Variants in FYB1 observed in about 807,000 individuals in gnomAD.
FYB1 encodes FYN binding protein 1, also known as FYN-binding protein 1.
In FYB1, 41 loss-of-function variants were observed where a neutral mutation model predicts 94.1. The observed-to-expected ratio is 0.44, with a 90% confidence interval of 0.34 to 0.57. The LOEUF (loss-of-function observed/expected upper bound fraction) is 0.57, where lower values mean the gene tolerates loss of function less well. Among genes scored for constraint, FYB1 ranks in the 20% least tolerant of loss-of-function variants. The pLI is 0.02. For missense variants in FYB1, 1,050 were observed against 976.8 expected (o/e 1.07, Z -1.00); for synonymous variants, 367 against 353.2 (o/e 1.04, Z -0.44).
At chr5:39,166,287 T>A (rs985978351) in intron 2 of FYB1, among the ~76,000 whole-genome samples, 1 of 151,888 alleles carries the variant, frequency 6.6e-6, no homozygotes, top group Non-Finnish European at 1.5e-5. Flanking sequence ...AAATACAAAA[T>A]TATCCGGGCC....
chr5:39,135,193 C>G (rs953676901), intron 7 of FYB1, among the ~76,000 whole-genome samples, 179 bp from the exon 8 acceptor site: 11 of 152,068 alleles, frequency 7.2e-5, no homozygotes, highest in African/African-American at 2.7e-4. Flanking sequence ...AGGGAAAAAT[C>G]ACAGGGGCCA....
intron 2 of FYB1, chr5:39,170,271 C>T: frequency 6.0e-6 from 8 of 1,329,104 alleles, no homozygotes; most frequent in Non-Finnish European, 8.3e-6. Flanking sequence ...CTGTTGCAGC[C>T]CCTTGATCAA....
Position 39,140,974 on chromosome 5 carries a change from G to A in FYB1, c.1339+121C>T. On this transcript the variant is annotated intron_variant, in intron 4 of 18. Coordinates refer to ENST00000512982, the MANE Select transcript of FYB1 (RefSeq NM_001465.6). ...AAGAGGGAATAAACAAATAAAACGA[G>A]AGGGGCCTTGCACAGACCAGTGATG... is the stretch of plus-strand genomic sequence containing the variant. The A allele has an allele frequency of 4.5e-6, 3 of 672,612 alleles. No individual in the cohort carries two copies. The African/African-American group carries it at 5.5e-5, about 12-fold the overall frequency. 41.7% of individuals were successfully genotyped at this position (672,612 alleles called of 1,614,324 possible).
At chr5:39,154,872 G>A (rs757368018) in intron 2 of FYB1, among the ~76,000 whole-genome samples, 6 of 152,074 alleles carry the variant, frequency 3.9e-5, no homozygotes, top group Admixed American at 6.5e-5. Context: ...GATTACAAGC[G>A]TGAGCCACCT....
chr5:39,257,093 A>T (rs1751972059), intron 1 of FYB1, among the ~76,000 whole-genome samples: 1 of 152,172 alleles, frequency 6.6e-6, no homozygotes, highest in Non-Finnish European at 1.5e-5. Flanking sequence ...ATGTCTTTTC[A>T]CTTCTGCCAG....
chr5:39,113,878 A>G (rs946804197), intron 16 of FYB1, among the ~76,000 whole-genome samples: 3 of 152,142 alleles, frequency 2.0e-5, no homozygotes, highest in African/African-American at 7.2e-5. Context: ...AGCGTTGTAT[A>G]TAATACTGAA....
chr5:39,247,108 ATATATAT>A (rs1751514749), intron 1 of FYB1, among the ~76,000 whole-genome samples: 1 of 139,324 alleles, frequency 7.2e-6, no homozygotes, highest in African/African-American at 2.7e-5. Context: ...ATATATATAT[ATATATAT>A]GACTATATAC....
At chr5:39,196,338 A>C (rs1747837257) in intron 2 of FYB1, among the ~76,000 whole-genome samples, 1 of 150,492 alleles carries the variant, frequency 6.6e-6, no homozygotes, top group African/African-American at 2.4e-5. Context: ...CCTCCTGAGT[A>C]GCTGGGAGGT....
chr5:39,117,247 T>C (rs1280236300), intron 16 of FYB1, among the ~76,000 whole-genome samples: 1 of 152,196 alleles, frequency 6.6e-6, no homozygotes, highest in Non-Finnish European at 1.5e-5. Context: ...CCAAATTAAA[T>C]AGCTTTCTTA....
intron 3 of FYB1, among the ~76,000 whole-genome samples, chr5:39,150,142 A>G (rs1228465577): frequency 1.3e-5 from 2 of 152,150 alleles, no homozygotes; most frequent in African/African-American, 4.8e-5. Context: ...CAGATTAAAA[A>G]TCAAAATGGA....
At chr5:39,129,158 A>G (rs114789433) in intron 10 of FYB1, among the ~76,000 whole-genome samples, 13 of 152,186 alleles carry the variant, frequency 8.5e-5, no homozygotes, top group Non-Finnish European at 1.8e-4. Flanking sequence ...AAAGTCACAT[A>G]TTTATAGCCA....
chr5:39,229,178 T>C (rs1324584326), intron 1 of FYB1, among the ~76,000 whole-genome samples: 4 of 152,122 alleles, frequency 2.6e-5, no homozygotes, highest in African/African-American at 9.7e-5. Context: ...ATGAATCTTT[T>C]AGAAGACAGG....
At chr5:39,210,192 A>G (rs1310960350) in intron 1 of FYB1, among the ~76,000 whole-genome samples, 1 of 152,202 alleles carries the variant, frequency 6.6e-6, no homozygotes, top group Non-Finnish European at 1.5e-5. Flanking sequence ...TGGAACTGCA[A>G]CAACCCCAGC....
At chr5:39,226,269 C>T (rs1447879749) in intron 1 of FYB1, among the ~76,000 whole-genome samples, 1 of 152,200 alleles carries the variant, frequency 6.6e-6, no homozygotes, top group African/African-American at 2.4e-5. Context: ...TTTCCTGCCT[C>T]TTTAACTGCA....
Position 39,242,381 on chromosome 5 carries a change from C to G in FYB1, c.-28+32022G>C, listed in dbSNP as rs534564580. ...TTCAATTCCCACCTATGAGTGAGAA[C>G]ATGTGGTGTTTGGTTATTTGTCATT... On this transcript the variant is annotated intron_variant, in intron 1 of 1. Transcript: ENST00000510188. 2.4e-4 allele frequency among the ~76,000 whole-genome samples: 36 copies of G among 150,044 alleles called. 1 individual carries two copies. The highest frequency in any genetic ancestry group is 8.8e-4 in the African/African-American group (36 of 40,756).
chr5:39,127,494 T>G (rs565527183), intron 11 of FYB1, among the ~76,000 whole-genome samples: 247 of 151,064 alleles, frequency 1.6e-3, no homozygotes, highest in Non-Finnish European at 3.1e-3. Context: ...CTGTAATTTA[T>G]CTTTTGTTTT....
intron 3 of FYB1, among the ~76,000 whole-genome samples, chr5:39,150,041 C>A (rs1743101248): frequency 1.3e-5 from 2 of 152,120 alleles, no homozygotes; most frequent in African/African-American, 4.8e-5. Flanking sequence ...TCTTCCTCAC[C>A]TTTGTTAAAC....
chr5:39,139,162 G>T, intron 5 of FYB1, 71 bp downstream of exon 5: 2 of 1,323,766 alleles, frequency 1.5e-6, no homozygotes, highest in Non-Finnish European at 2.0e-6. Flanking sequence ...GTACCAATAC[G>T]GAGTGAATCA....
At chr5:39,251,926 C>T (rs1291368365) in intron 1 of FYB1, among the ~76,000 whole-genome samples, 1 of 152,048 alleles carries the variant, frequency 6.6e-6, no homozygotes, top group Admixed American at 6.5e-5. Context: ...GGGTGGATCA[C>T]GAGGTCAGGA....
Sources: allele counts gnomAD v4.1 joint callset (sites outside exome capture counted in the v4.1 genomes callset), GRCh38; gene constraint gnomAD v4.1.1; transcripts MANE v1.5; gene names NCBI Gene and HGNC (gene_info 2026-07-23, HGNC 2026-07-21).